ST7L: variants seen among roughly 807,000 people sequenced by gnomAD.
The protein encoded by ST7L is suppressor of tumorigenicity 7 protein-like.
In ST7L, 57 loss-of-function variants were observed where a neutral mutation model predicts 72.5. The ratio of observed to expected loss-of-function variants is 0.79; its 90% CI spans 0.64 to 0.98. The LOEUF is 0.98. Among genes scored for constraint, ST7L ranks in the 50% least tolerant of loss-of-function variants. The pLI is 0.00. For synonymous variants in ST7L, 221 were observed against 240.9 expected, an observed-to-expected ratio of 0.92 and a Z score of 0.77; for missense variants, 576 against 672.2, an observed-to-expected ratio of 0.86 and a Z score of 1.58.
chr1:112,523,222 T>C (rs1158144576), downstream of ST7L: 2 of 152,244 alleles, frequency 1.3e-5, no homozygotes, highest in Non-Finnish European at 2.9e-5. Context: ...TGGCATCTCA[T>C]GCTACTCTGT....
At chr1:112,593,579 G>C (rs769514793) in intron 5 of ST7L, among the ~76,000 whole-genome samples, 16 of 152,072 alleles carry the variant, frequency 1.1e-4, no homozygotes, top group Non-Finnish European at 2.2e-4. Flanking sequence ...CAAAGGGAGA[G>C]CCACAACTCA....
intron 4 of ST7L, 22 bp downstream of exon 4, chr1:112,600,771 AT>A: frequency 2.5e-6 from 4 of 1,601,814 alleles, no homozygotes; most frequent in Non-Finnish European, 3.4e-6. Context: ...TGCCCTACTT[AT>A]ACTGAAAGCA....
rs1653136311 is a variant in ST7L, at chr1:112,524,654, C to CG, written c.*1358dup. On this transcript the variant is annotated 3_prime_UTR_variant, in exon 15 of 15. Transcript: ENST00000358039. ...TCCACTTGGGAACTGCCTGCTACTACGGGGGTTGGGCATCTTTGAAGCAAT... is the reference window on the plus strand; with the variant it reads ...TCCACTTGGGAACTGCCTGCTACTACGGGGGGTTGGGCATCTTTGAAGCAAT... 1 of 152,550 alleles carries CG rather than the reference C, an allele frequency of 6.6e-6. No homozygotes were observed. The highest frequency in any genetic ancestry group is 2.4e-5 in the African/African-American group (1 of 41,404). 9.4% of individuals were successfully genotyped at this position (152,550 alleles called of 1,614,324 possible). A position where few individuals can be genotyped will look rare whatever the true frequency, so the allele number is the denominator to read the frequency against.
intron 7 of ST7L, 36 bp from the exon 8 acceptor site, chr1:112,582,508 C>T (rs1664284733): frequency 1.3e-5 from 16 of 1,276,454 alleles, no homozygotes; most frequent in Admixed American, 1.9e-5. Flanking sequence ...ACAACTATCA[C>T]TTTTGTATTG....
Position 112,610,691 on chromosome 1 carries a change from C to T in ST7L, c.451+150G>A, listed in dbSNP as rs1668940776. On this transcript the variant is annotated intron_variant, in intron 3 of 14. Transcript: ENST00000358039. ...ATGACCTGATCACCTCCCAAAGACC[C>T]TACCTCGTAACATCACATTGGTGAT... 4 of 951,118 alleles carry T rather than the reference C, an allele frequency of 4.2e-6. No homozygotes were observed. In the South Asian group the frequency reaches 6.9e-5, roughly 16 times the overall value. 58.9% of individuals were successfully genotyped at this position (951,118 alleles called of 1,614,324 possible).
chr1:112,572,378 C>T (rs1662293860), intron 11 of ST7L, among the ~76,000 whole-genome samples: 1 of 152,168 alleles, frequency 6.6e-6, no homozygotes, highest in Non-Finnish European at 1.5e-5. Context: ...ACAACTTCTC[C>T]TCTCTAGCTA....
intron 11 of ST7L, among the ~76,000 whole-genome samples, chr1:112,566,736 G>A (rs1661128596): frequency 6.6e-6 from 1 of 152,020 alleles, no homozygotes. Flanking sequence ...TCACATAAAT[G>A]GAATCATTCA....
In ST7L at chr1:112,525,254, G is replaced by C. The variant is rs1325805910; in HGVS notation, c.*759C>G. 4 of 152,158 alleles carry C rather than the reference G, an allele frequency of 2.6e-5. No homozygotes were observed. Among genetic ancestry groups the C allele is most frequent in the Non-Finnish European group, 4.4e-5 (3 of 68,030 alleles). The allele number at this position is 152,158 out of a possible 1,614,324, so 9.4% of individuals were successfully genotyped here. ...AAAACTGGAGAGCTTTGGATTCCAG[G>C]GATGATCTCCATAAGAGAGAAGCAC... is the stretch of plus-strand genomic sequence containing the variant. On this transcript the variant is annotated 3_prime_UTR_variant, in exon 15 of 15. Transcript: ENST00000358039.
intron 2 of ST7L, among the ~76,000 whole-genome samples, chr1:112,615,695 T>A (rs556950256): frequency 1.3e-5 from 2 of 152,234 alleles, no homozygotes; most frequent in African/African-American, 4.8e-5. Flanking sequence ...AATTTTTTTT[T>A]AATGGGCAAA....
At chr1:112,618,088 T>G in intron 1 of ST7L, 14 of 1,303,192 alleles carry the variant, frequency 1.1e-5, no homozygotes, top group Non-Finnish European at 1.3e-5. Flanking sequence ...TACTGAATCA[T>G]GTAATGGAAA....
downstream of ST7L, chr1:112,520,368 C>T: frequency 1.2e-6 from 2 of 1,614,140 alleles, no homozygotes; most frequent in Non-Finnish European, 1.7e-6. Context: ...GAGGGTACGA[C>T]ACAACTCGAG....
At chr1:112,603,820 G>A (rs1379999618) in intron 3 of ST7L, among the ~76,000 whole-genome samples, 1 of 152,076 alleles carries the variant, frequency 6.6e-6, no homozygotes, top group Admixed American at 6.6e-5. Context: ...GAGAGCTCTG[G>A]TATCTCTTAT....
intron 1 of ST7L, 79 bp downstream of exon 1, chr1:112,618,830 G>A: frequency 6.6e-7 from 1 of 1,517,666 alleles, no homozygotes; most frequent in South Asian, 1.2e-5. Context: ...GGACTACCGA[G>A]AATCTCTTGC....
At chr1:112,565,918 G>A (rs1660939430) in intron 11 of ST7L, among the ~76,000 whole-genome samples, 1 of 152,034 alleles carries the variant, frequency 6.6e-6, no homozygotes, top group Non-Finnish European at 1.5e-5. Flanking sequence ...GGCTTAGGTG[G>A]GAGGATCACT....
intron 3 of ST7L, among the ~76,000 whole-genome samples, chr1:112,607,766 T>C (rs967736489): frequency 1.3e-5 from 2 of 152,140 alleles, no homozygotes; most frequent in East Asian, 1.9e-4. Context: ...TTTAGAATTA[T>C]AGAGGAAGAA....
At position 112,616,812 on chromosome 1, in the gene ST7L, C is replaced by G; in HGVS notation, c.288+1G>C. ...GAAGGAAGGAAATGGAAACTACTTACAAATATTAGTCCTGATATCAATGAA... is the reference window on the plus strand; with the variant it reads ...GAAGGAAGGAAATGGAAACTACTTAGAAATATTAGTCCTGATATCAATGAA... On this transcript the variant is annotated splice_donor_variant, in intron 2 of 14. Coordinates refer to ENST00000358039, the MANE Select transcript of ST7L (RefSeq NM_017744.5). LOFTEE classifies it high-confidence loss of function. 6.3e-7 allele frequency: 1 copy of G among 1,578,492 alleles called. No individual in the cohort carries two copies. The highest frequency in any genetic ancestry group is 1.4e-5 in the African/African-American group (1 of 72,888).
intron 3 of ST7L, among the ~76,000 whole-genome samples, chr1:112,603,444 G>A (rs1384548479): frequency 2.0e-5 from 3 of 152,082 alleles, no homozygotes; most frequent in South Asian, 2.1e-4. Context: ...TTTTAGTGTA[G>A]TATCAAAAAA....
In ST7L at chr1:112,603,219, CG is replaced by C. The variant is rs568607049; in HGVS notation, c.452-2372del. Among the ~76,000 whole-genome samples the C allele has an allele frequency of 2.5e-4, 38 of 152,152 alleles. No homozygotes were observed. In the South Asian group the frequency reaches 7.9e-3, roughly 32 times the overall value. On this transcript the variant is annotated intron_variant, in intron 3 of 14. Transcript: ENST00000358039. ...GATGATATTAACAAGTGAGTTTTTT[CG>C]TATTATGCAATAAGATGGATCATGA... is the stretch of plus-strand genomic sequence containing the variant.
chr1:112,575,178 G>A (rs1185528988), intron 11 of ST7L, among the ~76,000 whole-genome samples: 2 of 152,216 alleles, frequency 1.3e-5, no homozygotes, highest in African/African-American at 4.8e-5. Context: ...GGCGGAGGTT[G>A]CAGTGAGCCA....
Sources: allele counts gnomAD v4.1 joint callset (sites outside exome capture counted in the v4.1 genomes callset), GRCh38; gene constraint gnomAD v4.1.1; transcripts MANE v1.5; gene names NCBI Gene and HGNC (gene_info 2026-07-23, HGNC 2026-07-21).